The following PCSK2 variants were observed in gnomAD, a reference collection of about 807,000 sequenced individuals.
PCSK2 encodes neuroendocrine convertase 2.
In PCSK2, 14 loss-of-function variants were observed where a neutral mutation model predicts 69.7. The ratio of observed to expected loss-of-function variants is 0.20; its 90% CI spans 0.13 to 0.31. The LOEUF (loss-of-function observed/expected upper bound fraction) is 0.31, where lower values mean the gene tolerates loss of function less well. Among genes scored for constraint, PCSK2 ranks in the 10% least tolerant of loss-of-function variants. The pLI, the probability that PCSK2 is intolerant of heterozygous loss-of-function variation, is 1.00. For synonymous variants in PCSK2, 307 were observed against 320.7 expected (o/e 0.96, Z 0.46); for missense variants, 544 against 842.5 (o/e 0.65, Z 4.39).
chr20:17,263,015 A>G (rs1318238661), intron 2 of PCSK2: 1 of 232,456 alleles, frequency 4.3e-6, no homozygotes. Context: ...GCTTGTGGTA[A>G]GGAACACAAA....
chr20:17,343,358 C>T (rs2208203), intron 2 of PCSK2, among the ~76,000 whole-genome samples: 140,180 of 152,228 alleles, frequency 0.92, 64,637 homozygotes, highest in Middle Eastern at 0.96. Flanking sequence ...TCTAAGAAAA[C>T]AGTATAACCC....
Position 17,419,053 on chromosome 20 carries a change from C to T in PCSK2, c.620+9714C>T, listed in dbSNP as rs79804961. On this transcript the variant is annotated intron_variant, in intron 6 of 11. Coordinates refer to ENST00000262545, the MANE Select transcript of PCSK2 (RefSeq NM_002594.5). ...GGACACTCAAAGAAGTAAAATGTTC[C>T]CCTTGGTTGGGAGACTGAGTTCAAT... Among the ~76,000 whole-genome samples the T allele has an allele frequency of 8.9e-3, 1,349 of 152,260 alleles. 23 individuals are homozygous for T. Among genetic ancestry groups the T allele is most frequent in the African/African-American group, 0.03 (1,232 of 41,548 alleles).
intron 5 of PCSK2, 77 bp from the exon 6 acceptor site, chr20:17,409,186 G>A (rs906927872): frequency 8.0e-6 from 9 of 1,129,836 alleles, no homozygotes; most frequent in African/African-American, 3.0e-5. Context: ...GACTAGAAAT[G>A]TTTAAAGTCT....
At chr20:17,311,700 A>C (rs757284406) in intron 2 of PCSK2, among the ~76,000 whole-genome samples, 4 of 152,162 alleles carry the variant, frequency 2.6e-5, no homozygotes, top group Admixed American at 2.6e-4. Context: ...AGTACAGTAC[A>C]TTTTTAGGAA....
At chr20:17,363,185 C>G (rs541881325) in intron 4 of PCSK2, among the ~76,000 whole-genome samples, 1 of 152,338 alleles carries the variant, frequency 6.6e-6, no homozygotes, top group South Asian at 2.1e-4. Flanking sequence ...CATCTGCGTG[C>G]AGAAGTTTAA....
chr20:17,232,359 T>C (rs888692172), intron 1 of PCSK2, among the ~76,000 whole-genome samples: 1 of 152,246 alleles, frequency 6.6e-6, no homozygotes, highest in Non-Finnish European at 1.5e-5. Flanking sequence ...ACATCTGTTT[T>C]CTTTTAGCCA....
chr20:17,319,705 G>A (rs779945025), intron 2 of PCSK2, among the ~76,000 whole-genome samples: 72 of 152,122 alleles, frequency 4.7e-4, no homozygotes, highest in Non-Finnish European at 9.4e-4. Context: ...AATCAAGGAC[G>A]TTACTGCAAC....
intron 6 of PCSK2, among the ~76,000 whole-genome samples, chr20:17,418,190 G>A (rs185513866): frequency 7.2e-5 from 11 of 152,314 alleles, no homozygotes; most frequent in South Asian, 4.1e-4. Flanking sequence ...ACTAATTCTC[G>A]TAGTAACCCT....
intron 8 of PCSK2, among the ~76,000 whole-genome samples, chr20:17,452,186 T>C (rs145257993): frequency 1.3e-5 from 2 of 152,162 alleles, no homozygotes; most frequent in East Asian, 3.9e-4. Context: ...GGCCACACTT[T>C]TGCTATTTCT....
chr20:17,279,162 G>A (rs185286731), intron 2 of PCSK2, among the ~76,000 whole-genome samples: 84 of 152,144 alleles, frequency 5.5e-4, no homozygotes, highest in Middle Eastern at 3.4e-3. Flanking sequence ...GATTATTTCC[G>A]CATTCCGATG....
chr20:17,323,549 A>G (rs1039050638), intron 2 of PCSK2, among the ~76,000 whole-genome samples: 1 of 152,258 alleles, frequency 6.6e-6, no homozygotes, highest in Non-Finnish European at 1.5e-5. Context: ...AAAGCTATTA[A>G]TGTGGAGCCA....
At chr20:17,291,772 T>C (rs1190790865) in intron 2 of PCSK2, among the ~76,000 whole-genome samples, 1 of 152,102 alleles carries the variant, frequency 6.6e-6, no homozygotes, top group African/African-American at 2.4e-5. Flanking sequence ...CTCACAGAAA[T>C]GGAATCTGGA....
At chr20:17,479,323 A>T (rs1261790379) in intron 11 of PCSK2, 5 of 799,518 alleles carry the variant, frequency 6.3e-6, no homozygotes, top group Non-Finnish European at 1.1e-5. Flanking sequence ...ATGTTGTTGT[A>T]ATTATAATCT....
At position 17,285,706 on chromosome 20, in the gene PCSK2, A is replaced by G. The variant is rs1436188617; in HGVS notation, c.282+25362A>G. On this transcript the variant is annotated intron_variant, in intron 2 of 11. Transcript: ENST00000262545. ...TCAGAGGAAGTGCCAAAACATGTACAAACCCTGGATGGGTTCTGGCCTTGG... is the reference window on the plus strand; with the variant it reads ...TCAGAGGAAGTGCCAAAACATGTACGAACCCTGGATGGGTTCTGGCCTTGG... 3.3e-5 allele frequency among the ~76,000 whole-genome samples: 5 copies of G among 152,230 alleles called. No homozygotes were observed. The East Asian group carries it at 5.8e-4, about 18-fold the overall frequency.
intron 6 of PCSK2, among the ~76,000 whole-genome samples, chr20:17,412,916 A>G (rs546102730): frequency 2.8e-4 from 42 of 152,342 alleles, no homozygotes; most frequent in African/African-American, 9.4e-4. Context: ...CCAGAATTTC[A>G]TATCCAGCCA....
intron 6 of PCSK2, 109 bp from the exon 7 acceptor site, chr20:17,429,326 A>T (rs554767079): frequency 5.9e-5 from 46 of 782,274 alleles, no homozygotes; most frequent in Non-Finnish European, 9.6e-5. Context: ...GTTTACTTGT[A>T]TATGATACGC....
Position 17,364,411 on chromosome 20 carries a change from T to C in PCSK2, c.505+3771T>C, listed in dbSNP as rs144102123. Among the ~76,000 whole-genome samples the C allele has an allele frequency of 3.5e-3, 538 of 152,248 alleles. 2 individuals carry two copies. The highest frequency in any genetic ancestry group is 0.012 in the African/African-American group (506 of 41,522). On this transcript the variant is annotated intron_variant, in intron 4 of 11. Coordinates refer to ENST00000262545, the MANE Select transcript of PCSK2 (RefSeq NM_002594.5). ...AAAGACATACCCAGACTGGGTAATT[T>C]ATAAAGAAAAAGAGGTTTAATAGAC...
At chr20:17,337,478 T>A (rs1377228352) in intron 2 of PCSK2, among the ~76,000 whole-genome samples, 1 of 152,150 alleles carries the variant, frequency 6.6e-6, no homozygotes. Flanking sequence ...CATTTAACCC[T>A]CAGCTGTAGA....
chr20:17,246,108 G>T lies in PCSK2; in HGVS notation c.178-14132G>T, dbSNP rs76321266. Among the ~76,000 whole-genome samples, 1,109 of 152,208 alleles carry T rather than the reference G, an allele frequency of 7.3e-3. 3 individuals carry two copies. The highest frequency in any genetic ancestry group is 0.014 in the East Asian group (71 of 5,178). ...CTGCACCTAGGACATGAGCAAAACC[G>T]GTGTTGTCCCCATAGAGCTTGCAAT... On this transcript the variant is annotated intron_variant, in intron 1 of 11. Transcript: ENST00000262545.
Sources: allele counts gnomAD v4.1 joint callset (sites outside exome capture counted in the v4.1 genomes callset), GRCh38; gene constraint gnomAD v4.1.1; transcripts MANE v1.5; gene names NCBI Gene and HGNC (gene_info 2026-07-23, HGNC 2026-07-21).